TRAF3IP3: variants seen among roughly 807,000 people sequenced by gnomAD.
TRAF3IP3 encodes TRAF3 interacting protein 3.
TRAF3IP3 carries 64 observed loss-of-function variants against 86.5 expected under a neutral mutation model. The observed-to-expected ratio is 0.74, with a 90% CI of 0.60 to 0.91. The LOEUF (loss-of-function observed/expected upper bound fraction) is 0.91. TRAF3IP3 is among the 40% of genes least tolerant of loss of function. TRAF3IP3 has a pLI of 0.00. For missense variants in TRAF3IP3, 579 were observed against 642.9 expected (o/e 0.90, Z 1.07); for synonymous variants, 220 against 243.9 (o/e 0.90, Z 0.91).
intron 8 of TRAF3IP3, among the ~76,000 whole-genome samples, chr1:209,771,031 T>TGC (rs1558020188): frequency 1.6e-5 from 2 of 124,900 alleles, no homozygotes; most frequent in African/African-American, 3.4e-5. Flanking sequence ...TGTGTGTGTG[T>TGC]GCTCAGGTGG....
chr1:209,763,666 A>G (rs1210973133), intron 8 of TRAF3IP3, 79 bp downstream of exon 8: 2 of 1,193,976 alleles, frequency 1.7e-6, no homozygotes, highest in East Asian at 5.0e-5. Flanking sequence ...ACATCATCAC[A>G]GTAAGAGAAG....
At chr1:209,780,214 T>A (rs967519958) in intron 14 of TRAF3IP3, 10 of 275,128 alleles carry the variant, frequency 3.6e-5, no homozygotes, top group Non-Finnish European at 6.0e-5. Flanking sequence ...TAAAACTATC[T>A]AGCACTAGAT....
rs545564078 is a variant in TRAF3IP3, at chr1:209,777,383, A to G, written c.1085A>G (p.Gln362Arg). The G allele has an allele frequency of 1.8e-4, 285 of 1,613,870 alleles. 4 individuals carry two copies. In the South Asian group the frequency reaches 3.1e-3, roughly 17 times the overall value. ...GATAGCAGGGACTTACAGATGAACC[A>G]GGCCCTGCGATTTTTGGAAAATGAG... ...GADSRDLQMN[Q>R]ALRFLENEHQ... The change falls in exon 12 of 17, where the codon CAG (glutamine) becomes CGG (arginine). Residue 362 changes from glutamine (Q) to arginine (R), a missense_variant. Transcript: ENST00000367025.
At chr1:209,781,536 A>G (rs2077780369) in intron 16 of TRAF3IP3, 78 bp downstream of exon 16, 19 of 1,065,326 alleles carry the variant, frequency 1.8e-5, no homozygotes, top group Non-Finnish European at 2.6e-5. Context: ...CACATAAAAT[A>G]TATCAGCCCA....
Position 209,762,884 on chromosome 1 carries a change from C to G in TRAF3IP3, c.551+14C>G. 3.1e-6 allele frequency: 5 copies of G among 1,614,058 alleles called. No homozygotes were observed. Among genetic ancestry groups the G allele is most frequent in the Middle Eastern group, 3.3e-4 (2 of 6,062 alleles). Reference sequence around the variant, plus strand: ...TCAGCAAACCAAGTGAGTTCCTGACCCTAACCCTCTCACATCCCATCCATT... The same window carrying G: ...TCAGCAAACCAAGTGAGTTCCTGACGCTAACCCTCTCACATCCCATCCATT... On this transcript the variant is annotated intron_variant, in intron 5 of 16. Coordinates refer to ENST00000367025, the MANE Select transcript of TRAF3IP3 (RefSeq NM_025228.4).
intron 8 of TRAF3IP3, among the ~76,000 whole-genome samples, chr1:209,766,957 A>G (rs542614254): frequency 1.3e-5 from 2 of 152,352 alleles, no homozygotes; most frequent in South Asian, 2.1e-4. Context: ...ATGATGAGGG[A>G]AAAAAGCAGA....
intron 8 of TRAF3IP3, among the ~76,000 whole-genome samples, chr1:209,767,356 T>C (rs2077376026): frequency 6.6e-6 from 1 of 152,174 alleles, no homozygotes; most frequent in African/African-American, 2.4e-5. Flanking sequence ...GCAATTACTA[T>C]CTGAGGAAAT....
intron 8 of TRAF3IP3, among the ~76,000 whole-genome samples, chr1:209,765,230 GAA>G: frequency 1.0e-4 from 4 of 39,226 alleles, no homozygotes; most frequent in East Asian, 9.2e-4. Context: ...AGAGAGAGAG[GAA>G]GGAAGGAAGG....
intron 1 of TRAF3IP3, among the ~76,000 whole-genome samples, chr1:209,757,649 G>A (rs1025103817): frequency 6.6e-6 from 1 of 152,202 alleles, no homozygotes; most frequent in Non-Finnish European, 1.5e-5. Flanking sequence ...GAGAGGATGA[G>A]AGAAGGCATT....
intron 8 of TRAF3IP3, among the ~76,000 whole-genome samples, chr1:209,767,448 C>G (rs1342217828): frequency 6.6e-6 from 1 of 152,118 alleles, no homozygotes; most frequent in Non-Finnish European, 1.5e-5. Flanking sequence ...GTAATCCCAA[C>G]ACTTTGGGGG....
chr1:209,779,565 T>C (rs2102518777), intron 14 of TRAF3IP3, 191 bp downstream of exon 14: 3 of 714,192 alleles, frequency 4.2e-6, no homozygotes, highest in Non-Finnish European at 7.8e-6. Context: ...GCCTTCTATC[T>C]TGAGGTATAT....
At chr1:209,765,234 GAA>G in intron 8 of TRAF3IP3, among the ~76,000 whole-genome samples, 1 of 76,834 alleles carries the variant, frequency 1.3e-5, no homozygotes, top group Non-Finnish European at 2.5e-5. Context: ...AGAGAGGAAG[GAA>G]GGAAGGAAGG....
Position 209,778,102 on chromosome 1 carries a change from C to T in TRAF3IP3, c.1190-9C>T, listed in dbSNP as rs757350319. Reference sequence around the variant, plus strand: ...TCCTTTATTTTGGCTTGCATTATTGCATTTTCAGATCAACTAAAAAGGTCA... The same window carrying T: ...TCCTTTATTTTGGCTTGCATTATTGTATTTTCAGATCAACTAAAAAGGTCA... On this transcript the variant is annotated splice_polypyrimidine_tract_variant and intron_variant, in intron 12 of 16. Transcript: ENST00000367025. 3.2e-5 allele frequency: 52 copies of T among 1,613,492 alleles called. 1 individual carries two copies. The South Asian group carries it at 5.6e-4, about 17-fold the overall frequency.
intron 14 of TRAF3IP3, 154 bp from the exon 15 acceptor site, chr1:209,780,316 A>C: frequency 1.7e-6 from 1 of 595,416 alleles, no homozygotes; most frequent in Non-Finnish European, 2.6e-6. Context: ...GCCTACTGGA[A>C]GTTAACCTTT....
intron 14 of TRAF3IP3, chr1:209,779,718 C>G (rs2077736213): frequency 1.7e-6 from 1 of 584,440 alleles, no homozygotes; most frequent in Non-Finnish European, 3.0e-6. Context: ...CAGCCCCAAA[C>G]CACATAGCAG....
chr1:209,771,055 CATGTGGAGGTGTGTGT>C (rs2077491736), intron 8 of TRAF3IP3, among the ~76,000 whole-genome samples: 1 of 77,582 alleles, frequency 1.3e-5, no homozygotes, highest in Non-Finnish European at 2.2e-5. Flanking sequence ...TGTGCGTGTG[CATGTGGAGGTGTGTGT>C]GCAGGTGGAG....
At position 209,762,507 on chromosome 1, in the gene TRAF3IP3, C is replaced by A. The variant is rs766865648; in HGVS notation, c.346-8C>A. ...AGTGGTTTTCAGCATTCCCCACTTG[C>A]CTTCCAGGTGACAGGCACCAGCTCT... On this transcript the variant is annotated splice_polypyrimidine_tract_variant and splice_region_variant and intron_variant, in intron 3 of 16. Coordinates refer to ENST00000367025, the MANE Select transcript of TRAF3IP3 (RefSeq NM_025228.4). 9.7e-6 allele frequency: 14 copies of A among 1,446,114 alleles called. No individual in the cohort carries two copies. Among genetic ancestry groups the A allele is most frequent in the Non-Finnish European group, 1.3e-5 (14 of 1,095,930 alleles). 89.6% of individuals were successfully genotyped at this position (1,446,114 alleles called of 1,614,324 possible). A position where few individuals can be genotyped will look rare whatever the true frequency, so the allele number is the denominator to read the frequency against.
chr1:209,776,680 T>G (rs1256179918), intron 11 of TRAF3IP3: 1 of 149,420 alleles, frequency 6.7e-6, no homozygotes, highest in African/African-American at 2.5e-5. Context: ...CTGCCAGAAG[T>G]AGAAAAAAGA....
chr1:209,768,723 G>A (rs1558016502), intron 8 of TRAF3IP3: 43 of 984,014 alleles, frequency 4.4e-5, no homozygotes, highest in Non-Finnish European at 5.1e-5. Flanking sequence ...TGAGCCCTCG[G>A]CTCCCGGGGT....
Sources: allele counts gnomAD v4.1 joint callset (sites outside exome capture counted in the v4.1 genomes callset), GRCh38; gene constraint gnomAD v4.1.1; transcripts MANE v1.5; gene names NCBI Gene and HGNC (gene_info 2026-07-23, HGNC 2026-07-21).